FBXL15: variants seen among roughly 807,000 people sequenced by gnomAD.
FBXL15 encodes F-box/LRR-repeat protein 15.
Under a neutral mutation model 23.6 loss-of-function variants are expected in FBXL15, and 19 were observed. That is an observed-to-expected ratio of 0.81 (90% confidence interval 0.56 to 1.18). The LOEUF (loss-of-function observed/expected upper bound fraction) is 1.18. Ranked by LOEUF, FBXL15 falls within the 50% of genes most tolerant of loss-of-function variation. FBXL15 has a pLI of 0.00. For missense variants in FBXL15, 385 were observed against 425.4 expected (o/e 0.91, Z 0.83); for synonymous variants, 224 against 207.7 (o/e 1.08, Z -0.67).
rs1029763201 is a variant in FBXL15, at chr10:102,421,619, G to T, written c.207+112G>T. 7.0e-6 allele frequency: 10 copies of T among 1,421,928 alleles called. No individual in the cohort carries two copies. In the African/African-American group the frequency reaches 1.4e-4, roughly 20 times the overall value. 88.1% of individuals were successfully genotyped at this position (1,421,928 alleles called of 1,614,324 possible). A position where few individuals can be genotyped will look rare whatever the true frequency, so the allele number is the denominator to read the frequency against. On this transcript the variant is annotated intron_variant, in intron 2 of 3. Coordinates refer to ENST00000369956, the MANE Select transcript of FBXL15 (RefSeq NM_024326.4). ...CCCCCTTGGGCCGCCGGGGCTGCCCGGAAGGGATCCACGCACCAAAGGGCA... is the reference window on the plus strand; with the variant it reads ...CCCCCTTGGGCCGCCGGGGCTGCCCTGAAGGGATCCACGCACCAAAGGGCA...
chr10:102,421,219 C>T (rs1308081806), intron 1 of FBXL15, 37 bp downstream of exon 1: 15 of 1,597,696 alleles, frequency 9.4e-6, no homozygotes, highest in Non-Finnish European at 1.3e-5. Context: ...GGAAGAGGAA[C>T]CTGAGGGAGG....
chr10:102,421,580 T>A (rs1350336690), intron 2 of FBXL15, 73 bp downstream of exon 2: 1 of 1,433,744 alleles, frequency 7.0e-7, no homozygotes, highest in Non-Finnish European at 9.1e-7. Flanking sequence ...AGCCCCGCAG[T>A]ATGCCCTTCT....
chr10:102,421,970 G>C lies in FBXL15; in HGVS notation c.391G>C (p.Ala131Pro). ...CGGCTGCGGGCAACTGAGTCGCCGG[G>C]CGCTTGGGGCTTTGGCCGAGGGCTG... is the stretch of plus-strand genomic sequence containing the variant. Reference protein sequence around the residue: ...LGGCGQLSRRALGALAEGCPR... With the variant: ...LGGCGQLSRRPLGALAEGCPR... The change falls in exon 3 of 4, where the codon GCG (alanine) becomes CCG (proline). Residue 131 changes from alanine to proline, a missense_variant. Physicochemically the swap from Ala to Pro is conservative, Grantham distance 27. Coordinates refer to ENST00000369956, the MANE Select transcript of FBXL15 (RefSeq NM_024326.4). 1 of 1,597,986 alleles carries C rather than the reference G, an allele frequency of 6.3e-7. No individual in the cohort carries two copies. Among genetic ancestry groups the C allele is most frequent in the Non-Finnish European group, 8.5e-7 (1 of 1,177,868 alleles).
At chr10:102,422,718 G>C (rs112459679) in intron 3 of FBXL15, 86 bp from the exon 4 acceptor site, 19 of 1,410,986 alleles carry the variant, frequency 1.3e-5, no homozygotes, top group Non-Finnish European at 1.8e-5. Flanking sequence ...GAGCCAGTCC[G>C]AGGCTGAGTG....
Position 102,421,865 on chromosome 10 carries a change from C to G in FBXL15, c.286C>G (p.Pro96Ala). The change falls in exon 3 of 4, where the codon CCG becomes GCG. Residue 96 changes from proline (P) to alanine (A), a missense_variant. By Grantham distance (27) the Pro-to-Ala change is conservative (BLOSUM62 -1). Around this residue, in one of 2 missense-constraint regions of FBXL15, gnomAD observed 255 missense variants for 330.2 expected, o/e 0.77. Coordinates refer to ENST00000369956, the MANE Select transcript of FBXL15 (RefSeq NM_024326.4). ...GGGGCTGCAGGAGCTGGCACTGGCG[C>G]CGTGTCACGAATGGCTGTCAGACGA... ...AEGLQELALAPCHEWLSDEDL... is the reference protein window; with the variant it reads ...AEGLQELALAACHEWLSDEDL... 1 of 1,602,256 alleles carries G rather than the reference C, an allele frequency of 6.2e-7. No homozygotes were observed. Among genetic ancestry groups the G allele is most frequent in the Non-Finnish European group, 8.5e-7 (1 of 1,178,134 alleles).
At chr10:102,421,581 A>T in intron 2 of FBXL15, 74 bp downstream of exon 2, 2 of 1,433,850 alleles carry the variant, frequency 1.4e-6, no homozygotes, top group South Asian at 1.5e-5. Context: ...GCCCCGCAGT[A>T]TGCCCTTCTG....
In FBXL15 at chr10:102,421,355, T is replaced by G; in HGVS notation, c.55T>G (p.Phe19Val). The change falls in exon 2 of 4, where the codon TTC becomes GTC. Residue 19 changes from phenylalanine to valine, a missense_variant and splice_region_variant. By Grantham distance (50) the Phe-to-Val change is conservative. This residue lies in a region of FBXL15 where 130 missense variants were observed against 95.1 expected (regional missense o/e 1.37). Coordinates refer to ENST00000369956, the MANE Select transcript of FBXL15 (RefSeq NM_024326.4). The stretch of plus-strand genomic sequence containing the variant: ...GTGCCAACGCCCCTTTACTCGCAGG[T>G]TCCTGGACCTGCCCTGGGAAGACGT... ...GGEQEPGAVR[F>V]LDLPWEDVLL... 6.4e-7 allele frequency: 1 copy of G among 1,555,144 alleles called. No individual in the cohort carries two copies. The highest frequency in any genetic ancestry group is 8.7e-7 in the Non-Finnish European group (1 of 1,151,382).
intron 3 of FBXL15, 71 bp from the exon 4 acceptor site, chr10:102,422,733 C>T (rs1019327612): frequency 1.4e-6 from 2 of 1,474,026 alleles, no homozygotes; most frequent in Non-Finnish European, 1.8e-6. Flanking sequence ...TGAGTGAGCC[C>T]GGGCCTCCAC....
At position 102,421,338 on chromosome 10, in the gene FBXL15, G is replaced by T; in HGVS notation, c.54-16G>T. 6.4e-7 allele frequency: 1 copy of T among 1,552,692 alleles called. No homozygotes were observed. Among genetic ancestry groups the T allele is most frequent in the Non-Finnish European group, 8.7e-7 (1 of 1,150,748 alleles). On this transcript the variant is annotated splice_polypyrimidine_tract_variant and intron_variant, in intron 1 of 3. Coordinates refer to ENST00000369956, the MANE Select transcript of FBXL15 (RefSeq NM_024326.4). ...GTGGCCCCGGGACGCCAGTGCCAAC[G>T]CCCCTTTACTCGCAGGTTCCTGGAC...
rs554418261 is a variant in FBXL15, at chr10:102,420,935, C to G, written c.-195C>G. ...GCCTCAAGCCCTGTAGCCGAGAAGGCGAGGCCTAATGTTACACCACCGGTC... is the reference window on the plus strand; with the variant it reads ...GCCTCAAGCCCTGTAGCCGAGAAGGGGAGGCCTAATGTTACACCACCGGTC... On this transcript the variant is annotated 5_prime_UTR_variant, in exon 1 of 4. Transcript: ENST00000369956. 1 of 1,455,576 alleles carries G rather than the reference C, an allele frequency of 6.9e-7. No homozygotes were observed. Among genetic ancestry groups the G allele is most frequent in the Non-Finnish European group, 9.1e-7 (1 of 1,101,954 alleles). 90.2% of individuals were successfully genotyped at this position (1,455,576 alleles called of 1,614,324 possible).
chr10:102,423,054 G>A lies in FBXL15; in HGVS notation c.*61G>A. On this transcript the variant is annotated 3_prime_UTR_variant, in exon 4 of 4. Coordinates refer to ENST00000369956, the MANE Select transcript of FBXL15 (RefSeq NM_024326.4). This position sits in a 1 kb window ranked among gnomAD's most constrained non-coding sequence, Gnocchi z 5.6. Reference sequence around the variant, plus strand: ...GCTGGGGCCTGACACTGAGCTGTAGGGAAACTGAACTGTGAGGACCTCTGG... The same window carrying A: ...GCTGGGGCCTGACACTGAGCTGTAGAGAAACTGAACTGTGAGGACCTCTGG... 5 of 1,462,320 alleles carry A rather than the reference G, an allele frequency of 3.4e-6. No homozygotes were observed. The highest frequency in any genetic ancestry group is 4.6e-6 in the Non-Finnish European group (5 of 1,094,450). The allele number at this position is 1,462,320 out of a possible 1,614,324, so 90.6% of individuals were successfully genotyped here. A position where few individuals can be genotyped will look rare whatever the true frequency, so the allele number is the denominator to read the frequency against.
chr10:102,422,365 TA>T lies in FBXL15; in HGVS notation c.713+77del, dbSNP rs2135468752. The T allele has an allele frequency of 4.2e-6, 6 of 1,412,024 alleles. No individual in the cohort carries two copies. In the South Asian group the frequency reaches 8.2e-5, roughly 19 times the overall value. The allele number at this position is 1,412,024 out of a possible 1,614,324, so 87.5% of individuals were successfully genotyped here. A position where few individuals can be genotyped will look rare whatever the true frequency, so the allele number is the denominator to read the frequency against. On this transcript the variant is annotated intron_variant, in intron 3 of 3. Transcript: ENST00000369956. Reference sequence around the variant, plus strand: ...CTGGTATGGGGCGGGCTGTAGTTGTTAAAAGGCCGGACTGAGGGTTCTGAAT... The same window carrying T: ...CTGGTATGGGGCGGGCTGTAGTTGTTAAAGGCCGGACTGAGGGTTCTGAAT...
chr10:102,422,519 G>A (rs537768138), intron 3 of FBXL15, among the ~76,000 whole-genome samples: 39 of 152,356 alleles, frequency 2.6e-4, no homozygotes, highest in Admixed American at 1.2e-3. Flanking sequence ...CACATAGAAA[G>A]TCGACTTCTG....
chr10:102,421,754 G>T, intron 2 of FBXL15, 33 bp from the exon 3 acceptor site: 7 of 1,527,226 alleles, frequency 4.6e-6, no homozygotes, highest in Non-Finnish European at 6.1e-6. Flanking sequence ...AGTGCGGGAC[G>T]GGCTGAGAGT....
Position 102,421,338 on chromosome 10 carries a change from G to C in FBXL15, c.54-16G>C. 2 of 1,552,692 alleles carry C rather than the reference G, an allele frequency of 1.3e-6. No homozygotes were observed. The highest frequency in any genetic ancestry group is 1.7e-6 in the Non-Finnish European group (2 of 1,150,748). ...GTGGCCCCGGGACGCCAGTGCCAAC[G>C]CCCCTTTACTCGCAGGTTCCTGGAC... On this transcript the variant is annotated splice_polypyrimidine_tract_variant and intron_variant, in intron 1 of 3. Coordinates refer to ENST00000369956, the MANE Select transcript of FBXL15 (RefSeq NM_024326.4).
Position 102,423,083 on chromosome 10 carries a change from G to T in FBXL15, c.*90G>T. 7.5e-7 allele frequency: 1 copy of T among 1,338,466 alleles called. No individual in the cohort carries two copies. Among genetic ancestry groups the T allele is most frequent in the Non-Finnish European group, 1.0e-6 (1 of 992,146 alleles). The allele number at this position is 1,338,466 out of a possible 1,614,324, so 82.9% of individuals were successfully genotyped here. ...ACTGAACTGTGAGGACCTCTGGTGAGAGGCCAGTGCCCTGCCCCACCCTGG... is the reference window on the plus strand; with the variant it reads ...ACTGAACTGTGAGGACCTCTGGTGATAGGCCAGTGCCCTGCCCCACCCTGG... On this transcript the variant is annotated 3_prime_UTR_variant, in exon 4 of 4. Transcript: ENST00000369956. The surrounding 1 kb of genome is among the most constrained non-coding windows in gnomAD (Gnocchi z 5.6).
chr10:102,421,725 G>A, intron 2 of FBXL15, 62 bp from the exon 3 acceptor site: 1 of 1,503,418 alleles, frequency 6.7e-7, no homozygotes, highest in Non-Finnish European at 8.8e-7. Flanking sequence ...TCAGGTCAGG[G>A]GTGCATAGGC....
Position 102,422,876 on chromosome 10 carries a change from C to T in FBXL15, c.786C>T (p.Ser262=), listed in dbSNP as rs979608396. Residue 262 remains serine (S), a synonymous_variant, in exon 4 of 4, where the codon AGC becomes AGT. Coordinates refer to ENST00000369956, the MANE Select transcript of FBXL15 (RefSeq NM_024326.4). ...VRHCHHVAES[S]LSRLRKRGVD... is the part of the protein sequence containing the mutation. The stretch of plus-strand genomic sequence containing the variant: ...ACTGCCACCATGTGGCGGAGTCCAG[C>T]CTGAGCCGCTTGCGGAAGCGCGGCG... 7 of 1,610,648 alleles carry T rather than the reference C, an allele frequency of 4.3e-6. No homozygotes were observed. Among genetic ancestry groups the T allele is most frequent in the Middle Eastern group, 1.8e-4 (1 of 5,468 alleles).
rs763182396 is a variant in FBXL15, at chr10:102,421,782, C to T, written c.208-5C>T. 48 of 1,543,696 alleles carry T rather than the reference C, an allele frequency of 3.1e-5. No homozygotes were observed. The African/African-American group carries it at 5.4e-4, about 17-fold the overall frequency. ...CTGAGAGTTGGGGTGCCTCCCCGCC[C>T]GCAGGTGGGTCCGCAGATCCCGCGG... On this transcript the variant is annotated splice_region_variant and splice_polypyrimidine_tract_variant and intron_variant, in intron 2 of 3. Transcript: ENST00000369956.
Sources: allele counts gnomAD v4.1 joint callset (sites outside exome capture counted in the v4.1 genomes callset), GRCh38; gene constraint gnomAD v4.1.1; regional missense constraint gnomAD v4.1.1; non-coding constraint Gnocchi (gnomAD v3.1); transcripts MANE v1.5; gene names NCBI Gene and HGNC (gene_info 2026-07-23, HGNC 2026-07-21).